The following EYS variants were observed in gnomAD, a reference collection of about 807,000 sequenced individuals.
The protein encoded by EYS is protein eyes shut homolog.
Under a neutral mutation model 282.1 loss-of-function variants are expected in EYS, and 250 were observed. The ratio of observed to expected loss-of-function variants is 0.89; its 90% CI spans 0.80 to 0.98. The LOEUF is 0.98. Ranked by LOEUF, EYS falls within the 50% of genes least tolerant of loss-of-function variation. The probability of loss-of-function intolerance (pLI) is 0.00; values close to 1 mark genes in which losing one functional copy is unlikely to be tolerated. For missense variants in EYS, 4,016 were observed against 3,709.0 expected, an observed-to-expected ratio of 1.08 and a Z score of -2.15; for synonymous variants, 1,355 against 1,282.9, an observed-to-expected ratio of 1.06 and a Z score of -1.20.
chr6:64,422,155 GAT>G (rs1468212033), intron 28 of EYS, among the ~76,000 whole-genome samples: 1 of 151,302 alleles, frequency 6.6e-6, no homozygotes, highest in African/African-American at 2.5e-5. Flanking sequence ...ACAGATGATA[GAT>G]AGACAGATAG....
At chr6:63,975,968 T>C (rs1178775080) in intron 35 of EYS, among the ~76,000 whole-genome samples, 1 of 152,016 alleles carries the variant, frequency 6.6e-6, no homozygotes, top group Non-Finnish European at 1.5e-5. Flanking sequence ...GTATGGTCTA[T>C]TGCTCCTGAG....
intron 22 of EYS, among the ~76,000 whole-genome samples, chr6:64,736,136 C>A (rs1772176016): frequency 6.6e-6 from 1 of 152,018 alleles, no homozygotes; most frequent in Admixed American, 6.5e-5. Flanking sequence ...ACAGTAAATT[C>A]ACTGAAAATA....
intron 29 of EYS, among the ~76,000 whole-genome samples, chr6:64,361,232 G>A (rs1013011752): frequency 2.7e-5 from 4 of 149,584 alleles, no homozygotes; most frequent in Non-Finnish European, 4.4e-5. Context: ...TGCCTACTAT[G>A]TGCAAGGCCC....
intron 28 of EYS, among the ~76,000 whole-genome samples, chr6:64,393,096 C>G (rs965656942): frequency 2.6e-5 from 4 of 152,142 alleles, no homozygotes; most frequent in African/African-American, 9.7e-5. Context: ...AGTTGAATCT[C>G]TGAATAGACC....
At chr6:65,673,688 A>G (rs1768479709) in intron 1 of EYS, among the ~76,000 whole-genome samples, 1 of 152,026 alleles carries the variant, frequency 6.6e-6, no homozygotes, top group Non-Finnish European at 1.5e-5. Flanking sequence ...CTGAATACCA[A>G]GAGCCTGAGA....
At chr6:64,689,007 A>G (rs1326734184) in intron 22 of EYS, among the ~76,000 whole-genome samples, 1 of 152,094 alleles carries the variant, frequency 6.6e-6, no homozygotes, top group Non-Finnish European at 1.5e-5. Flanking sequence ...AGGGCATTCA[A>G]TTAGGAAAAG....
intron 12 of EYS, among the ~76,000 whole-genome samples, chr6:65,125,369 A>C (rs2150198761): frequency 6.6e-6 from 1 of 152,284 alleles, no homozygotes; most frequent in East Asian, 1.9e-4. Flanking sequence ...TAATGCTGTC[A>C]CTTCCTCATC....
intron 41 of EYS, among the ~76,000 whole-genome samples, chr6:63,749,594 G>A (rs904206292): frequency 2.6e-5 from 4 of 151,934 alleles, no homozygotes; most frequent in Non-Finnish European, 4.4e-5. Context: ...AAACCCTCTG[G>A]GCTCTGTATC....
chr6:65,133,232 CA>C lies in EYS; in HGVS notation c.2024-75506del, dbSNP rs199988928. Among the ~76,000 whole-genome samples, 1,403 of 151,022 alleles carry C rather than the reference CA, an allele frequency of 9.3e-3. 15 individuals are homozygous for C. The highest frequency in any genetic ancestry group is 0.032 in the African/African-American group (1,324 of 41,272). ...GTAGTTTACAACTCATTTGAAACAA[CA>C]AAAAAAAGTGCCCACATAACCAAGG... On this transcript the variant is annotated intron_variant, in intron 12 of 42. Coordinates refer to ENST00000503581, the MANE Select transcript of EYS (RefSeq NM_001142800.2).
At chr6:64,557,971 T>C (rs1251772895) in intron 26 of EYS, among the ~76,000 whole-genome samples, 3 of 152,074 alleles carry the variant, frequency 2.0e-5, no homozygotes, top group South Asian at 2.1e-4. Flanking sequence ...ACTGCTCATA[T>C]AGGCACCATA....
intron 15 of EYS, among the ~76,000 whole-genome samples, chr6:64,943,260 C>T (rs1049648248): frequency 1.3e-5 from 2 of 152,004 alleles, no homozygotes; most frequent in African/African-American, 2.4e-5. Flanking sequence ...ACTAAATGGG[C>T]AAAGTCTACA....
intron 11 of EYS, chr6:65,329,577 G>C: frequency 1.0e-6 from 1 of 982,198 alleles, no homozygotes; most frequent in Non-Finnish European, 1.2e-6. Context: ...TATCTTTTTT[G>C]CTTTAAAGGT....
At chr6:63,858,300 T>A (rs1772444284) in intron 36 of EYS, among the ~76,000 whole-genome samples, 2 of 152,166 alleles carry the variant, frequency 1.3e-5, no homozygotes, top group African/African-American at 4.8e-5. Context: ...CCTCAGGTGA[T>A]CCACCCACCG....
rs573117436 is a variant in EYS at position 65,394,493 on chromosome 6, T to G, written c.1184+7985A>C. ...AGCGCCGTGGACACTGCCACCTGTG[T>G]AAGTGAAGTGCAGCACAGAGTCCTG... On this transcript the variant is annotated intron_variant, in intron 7 of 42. Transcript: ENST00000503581. 2.9e-3 allele frequency among the ~76,000 whole-genome samples: 435 copies of G among 152,180 alleles called. 4 individuals are homozygous for G. Among genetic ancestry groups the G allele is most frequent in the African/African-American group, 0.01 (422 of 41,514 alleles).
chr6:64,115,325 T>C (rs1773341406), intron 31 of EYS, among the ~76,000 whole-genome samples: 1 of 152,120 alleles, frequency 6.6e-6, no homozygotes, highest in Non-Finnish European at 1.5e-5. Context: ...GTGTGTCACT[T>C]GTGCTCCAAA....
intron 19 of EYS, among the ~76,000 whole-genome samples, chr6:64,874,207 T>C (rs1168293758): frequency 2.0e-5 from 3 of 152,110 alleles, no homozygotes; most frequent in East Asian, 1.9e-4. Context: ...AAAGTAAAGA[T>C]ATTTTCTCCT....
chr6:64,891,199 C>T (rs543290561), intron 18 of EYS, among the ~76,000 whole-genome samples: 2 of 151,878 alleles, frequency 1.3e-5, no homozygotes, highest in East Asian at 1.9e-4. Flanking sequence ...TAACAGCAGC[C>T]CTGGTGAAAC....
chr6:65,618,049 G>T (rs553874212), intron 2 of EYS, among the ~76,000 whole-genome samples: 3 of 151,868 alleles, frequency 2.0e-5, no homozygotes, highest in Middle Eastern at 3.2e-3. Flanking sequence ...ATGATTTATA[G>T]TCCTTTGGGT....
intron 33 of EYS, among the ~76,000 whole-genome samples, chr6:64,017,151 C>A (rs1768933565): frequency 6.6e-6 from 1 of 151,818 alleles, no homozygotes; most frequent in Non-Finnish European, 1.5e-5. Context: ...CTGTTGAGAC[C>A]CCACAAACAC....
Sources: gnomAD v4.1 joint callset for allele counts (sites outside exome capture counted in the v4.1 genomes callset) on GRCh38, gnomAD v4.1.1 for gene constraint, MANE v1.5 for transcripts, NCBI Gene and HGNC (gene_info 2026-07-23, HGNC 2026-07-21) for gene names.